Variants in COL15A1 observed in about 807,000 individuals in gnomAD.
COL15A1 encodes the protein collagen alpha-1(XV) chain.
Under a neutral mutation model 165.9 loss-of-function variants are expected in COL15A1, and 111 were observed. The observed-to-expected ratio is 0.67, with a 90% CI of 0.57 to 0.78. COL15A1 has a LOEUF of 0.78. Ranked by LOEUF, COL15A1 falls within the 30% of genes least tolerant of loss-of-function variation. COL15A1 has a pLI of 0.00. For synonymous variants in COL15A1, 659 were observed against 674.8 expected (o/e 0.98, Z 0.36); for missense variants, 1,745 against 1,789.7 (o/e 0.98, Z 0.45).
Position 99,020,363 on chromosome 9 carries a change from G to A in COL15A1, c.1648-26G>A, listed in dbSNP as rs373221760. 10 of 1,597,794 alleles carry A rather than the reference G, an allele frequency of 6.3e-6. No individual in the cohort carries two copies. The African/African-American group carries it at 6.7e-5, about 11-fold the overall frequency. ...CATGTCCCAAATATGTTGTGGCCAC[G>A]TTTTAACCAAATCTTCTTCTTTTAG... On this transcript the variant is annotated intron_variant, in intron 11 of 41. Coordinates refer to ENST00000375001, the MANE Select transcript of COL15A1 (RefSeq NM_001855.5).
At chr9:99,058,235 G>T (rs1825757616) in intron 35 of COL15A1, among the ~76,000 whole-genome samples, 1 of 152,230 alleles carries the variant, frequency 6.6e-6, no homozygotes, top group Admixed American at 6.5e-5. Context: ...GTCCTGGGAT[G>T]GGGAAGTCCT....
intron 2 of COL15A1, among the ~76,000 whole-genome samples, chr9:98,959,864 T>C (rs376444014): frequency 7.9e-5 from 12 of 152,338 alleles, no homozygotes; most frequent in African/African-American, 2.6e-4. Context: ...CACAATGCAT[T>C]CCACACTCCT....
chr9:98,988,709 G>A (rs144884846), intron 4 of COL15A1, among the ~76,000 whole-genome samples: 3 of 152,202 alleles, frequency 2.0e-5, no homozygotes, highest in Non-Finnish European at 2.9e-5. Context: ...GATCACTTGC[G>A]GTCAGGAGTT....
At position 98,944,261 on chromosome 9, in the gene COL15A1, C is replaced by G. The variant is rs1470192695; in HGVS notation, c.100+11C>G. 1 of 1,612,544 alleles carries G rather than the reference C, an allele frequency of 6.2e-7. No homozygotes were observed. The highest frequency in any genetic ancestry group is 8.5e-7 in the Non-Finnish European group (1 of 1,179,418). On this transcript the variant is annotated intron_variant, in intron 2 of 41. Transcript: ENST00000375001. ...CCCGCGGTGCGACAGGTAAGCAACC[C>G]GGTCGGAGGGTGGCACCGGCTGCCT...
intron 11 of COL15A1, 42 bp from the exon 12 acceptor site, chr9:99,020,347 A>C: frequency 6.6e-7 from 1 of 1,505,866 alleles, no homozygotes; most frequent in Non-Finnish European, 9.2e-7. Context: ...CCATGTCCCA[A>C]ATATGTTGTG....
chr9:99,049,593 A>G, intron 28 of COL15A1, 97 bp from the exon 29 acceptor site: 1 of 1,511,144 alleles, frequency 6.6e-7, no homozygotes, highest in Non-Finnish European at 9.0e-7. Flanking sequence ...TGGCTTCAGC[A>G]GACCCTCCTT....
At chr9:99,059,497 C>T (rs1399050579) in intron 35 of COL15A1, among the ~76,000 whole-genome samples, 1 of 152,244 alleles carries the variant, frequency 6.6e-6, no homozygotes, top group East Asian at 1.9e-4. Context: ...TCTTTCTGAG[C>T]CTGCTTCCTC....
intron 2 of COL15A1, among the ~76,000 whole-genome samples, chr9:98,949,707 G>T (rs10116067): frequency 0.4 from 60,342 of 152,004 alleles, 12,152 homozygotes; most frequent in Admixed American, 0.47. Flanking sequence ...TTATATAACA[G>T]TAACCATTTT....
Position 99,044,608 on chromosome 9 carries a change from T to G in COL15A1, c.2615T>G (p.Ile872Ser), listed in dbSNP as rs1839464701. ...CCGGGTGCCATCCTGACAGAGGACA[T>G]TCCTCTGGAAAGGCTGATGGGGAAA... Reference protein sequence around the residue: ...GEPGAILTEDIPLERLMGKKG... With the variant: ...GEPGAILTEDSPLERLMGKKG... Residue 872 changes from isoleucine to serine, a missense_variant, in exon 25 of 42, where the codon ATT (isoleucine) becomes AGT (serine). By Grantham distance (142) the Ile-to-Ser change is moderately radical. Transcript: ENST00000375001. 1 of 1,613,952 alleles carries G rather than the reference T, an allele frequency of 6.2e-7. No homozygotes were observed.
At chr9:99,016,602 T>G (rs1251127464) in intron 11 of COL15A1, among the ~76,000 whole-genome samples, 1 of 152,216 alleles carries the variant, frequency 6.6e-6, no homozygotes, top group Non-Finnish European at 1.5e-5. Context: ...CAAGGCCAAG[T>G]CAGAGAATGA....
intron 28 of COL15A1, 103 bp downstream of exon 28, chr9:99,048,103 G>C: frequency 1.3e-6 from 1 of 753,754 alleles, no homozygotes; most frequent in South Asian, 1.5e-5. Flanking sequence ...CAGGAATGTT[G>C]TTCTTCTTCC....
intron 2 of COL15A1, among the ~76,000 whole-genome samples, chr9:98,968,964 C>T (rs748448461): frequency 6.6e-6 from 1 of 152,196 alleles, no homozygotes; most frequent in Non-Finnish European, 1.5e-5. Flanking sequence ...TTTCATTGAT[C>T]TGAGAAAAAA....
At chr9:98,958,329 C>T (rs1199119162) in intron 2 of COL15A1, among the ~76,000 whole-genome samples, 1 of 152,216 alleles carries the variant, frequency 6.6e-6, no homozygotes, top group Non-Finnish European at 1.5e-5. Flanking sequence ...AGTGATTCGG[C>T]TCAGCTCTGC....
rs56933597 is a variant in COL15A1, at chr9:98,965,149, G to A, written c.101-20416G>A. Among the ~76,000 whole-genome samples the A allele has an allele frequency of 3.3e-3, 503 of 152,232 alleles. 1 individual carries two copies. The highest frequency in any genetic ancestry group is 0.011 in the African/African-American group (455 of 41,550). On this transcript the variant is annotated intron_variant, in intron 2 of 41. Transcript: ENST00000375001. ...CTCTCCTTGGCAAGAAAAAGAAAGGGGACCCAACTGCCTAGGGCAGCAGCT... is the reference window on the plus strand; with the variant it reads ...CTCTCCTTGGCAAGAAAAAGAAAGGAGACCCAACTGCCTAGGGCAGCAGCT...
rs1361508978 is a variant in COL15A1, at chr9:99,013,142, C to G, written c.1354-2275C>G. Among the ~76,000 whole-genome samples, 13 of 152,204 alleles carry G rather than the reference C, an allele frequency of 8.5e-5. 1 individual carries two copies. The highest frequency in any genetic ancestry group is 8.5e-4 in the Admixed American group (13 of 15,282). On this transcript the variant is annotated intron_variant, in intron 9 of 41. Transcript: ENST00000375001. ...GCCATTTCCACCCTCTTACGTGTCTCAGTTTCTCTCTGTGTAGTTCTAGCA... is the reference window on the plus strand; with the variant it reads ...GCCATTTCCACCCTCTTACGTGTCTGAGTTTCTCTCTGTGTAGTTCTAGCA...
At chr9:98,973,788 T>G (rs752271226) in intron 2 of COL15A1, among the ~76,000 whole-genome samples, 1 of 152,216 alleles carries the variant, frequency 6.6e-6, no homozygotes, top group Non-Finnish European at 1.5e-5. Flanking sequence ...CTTCCAGGCC[T>G]GAAGGCTGTG....
chr9:99,056,551 C>A, intron 35 of COL15A1, 147 bp downstream of exon 35: 1 of 1,266,090 alleles, frequency 7.9e-7, no homozygotes, highest in Non-Finnish European at 1.0e-6. Context: ...AATTGAGATA[C>A]AATTTGCACA....
At chr9:98,952,257 T>C (rs1030448379) in intron 2 of COL15A1, among the ~76,000 whole-genome samples, 9 of 152,192 alleles carry the variant, frequency 5.9e-5, no homozygotes, top group Non-Finnish European at 1.3e-4. Context: ...CTTTGTCAGC[T>C]GTAGGGTGAC....
At position 99,000,920 on chromosome 9, in the gene COL15A1, C is replaced by T; in HGVS notation, c.1034C>T (p.Ala345Val). The change falls in exon 7 of 42, where the codon GCT (alanine) becomes GTT (valine). Residue 345 changes from alanine to valine, a missense_variant. Coordinates refer to ENST00000375001, the MANE Select transcript of COL15A1 (RefSeq NM_001855.5). ...CCCATTACTGACAGCGGCTCAGGGG[C>T]TGGGGCCTTCCTTGACATTGCTGAA... ...GDPITDSGSG[A>V]GAFLDIAEEK... is the part of the protein sequence containing the mutation. 6.3e-7 allele frequency: 1 copy of T among 1,583,768 alleles called. No homozygotes were observed. Among genetic ancestry groups the T allele is most frequent in the Non-Finnish European group, 8.7e-7 (1 of 1,152,264 alleles).
Sources: gnomAD v4.1 joint callset for allele counts (sites outside exome capture counted in the v4.1 genomes callset) on GRCh38, gnomAD v4.1.1 for gene constraint, MANE v1.5 for transcripts, NCBI Gene and HGNC (gene_info 2026-07-23, HGNC 2026-07-21) for gene names.